Variants in ADAMTS18 observed in about 807,000 individuals in gnomAD.
ADAMTS18 encodes A disintegrin and metalloproteinase with thrombospondin motifs 18.
In ADAMTS18, 157 loss-of-function variants were observed where a neutral mutation model predicts 165.9. The ratio of observed to expected loss-of-function variants is 0.95; its 90% CI spans 0.83 to 1.08. The LOEUF (loss-of-function observed/expected upper bound fraction) is 1.08. ADAMTS18 is among the 50% of genes least tolerant of loss of function. The probability of loss-of-function intolerance (pLI) is 0.00; values close to 1 mark genes in which losing one functional copy is unlikely to be tolerated. For missense variants in ADAMTS18, 2,040 were observed against 1,534.0 expected (o/e 1.33, Z -5.51); for synonymous variants, 782 against 578.2 (o/e 1.35, Z -5.06).
At chr16:77,337,989 C>T (rs948623903) in intron 11 of ADAMTS18, among the ~76,000 whole-genome samples, 19 of 151,368 alleles carry the variant, frequency 1.3e-4, no homozygotes, top group Non-Finnish European at 2.7e-4. Context: ...CTGCAACCTC[C>T]GCCTCCCAGG....
chr16:77,318,718 T>C (rs528717398), intron 16 of ADAMTS18, among the ~76,000 whole-genome samples: 1 of 152,350 alleles, frequency 6.6e-6, no homozygotes, highest in East Asian at 1.9e-4. Context: ...AGCTCTGTTT[T>C]TTTCCCTAGC....
At chr16:77,362,329 C>T in intron 6 of ADAMTS18, 65 bp from the exon 7 acceptor site, 1 of 1,559,622 alleles carries the variant, frequency 6.4e-7, no homozygotes, top group Non-Finnish European at 8.8e-7. Flanking sequence ...TGAATCATTC[C>T]ATTTGTACAG....
chr16:77,286,644 GTCCTTGC>G (rs1348408088), intron 22 of ADAMTS18, among the ~76,000 whole-genome samples: 1 of 152,058 alleles, frequency 6.6e-6, no homozygotes, highest in Non-Finnish European at 1.5e-5. Flanking sequence ...TGATTTTAGG[GTCCTTGC>G]TCCTTCCACT....
In ADAMTS18 at chr16:77,302,049, G is replaced by A. The variant is rs1015673007; in HGVS notation, c.2533-1645C>T. ...TTAACTTTCGCAGCTAAGTCATACA[G>A]CTGTTCTTGGAACCCTGTGTTCAAC... On this transcript the variant is annotated intron_variant, in intron 16 of 22. Transcript: ENST00000282849. 1.1e-4 allele frequency among the ~76,000 whole-genome samples: 16 copies of A among 139,750 alleles called. 1 individual carries two copies. Among genetic ancestry groups the A allele is most frequent in the African/African-American group, 4.3e-4 (16 of 36,806 alleles). 91.7% of individuals were successfully genotyped at this position (139,750 alleles called of 152,430 possible). A position where few individuals can be genotyped will look rare whatever the true frequency, so the allele number is the denominator to read the frequency against.
In ADAMTS18 at chr16:77,434,684, G is replaced by A. The variant is rs2057776108; in HGVS notation, c.12C>T (p.Ala4=). ...CCGGGAAGGCACACGCGAGCAGGAG[G>A]GCGCACTCCATGGTCAGGTGCGGAC... MEC[A]LLLACAFPAA... Residue 4 remains alanine (A), a synonymous_variant, in exon 1 of 23, where the codon GCC becomes GCT. Transcript: ENST00000282849. 3.4e-6 allele frequency: 5 copies of A among 1,475,844 alleles called. No individual in the cohort carries two copies. Among genetic ancestry groups the A allele is most frequent in the South Asian group, 2.6e-5 (2 of 78,272 alleles). 91.4% of individuals were successfully genotyped at this position (1,475,844 alleles called of 1,614,324 possible).
chr16:77,353,854 G>T lies in ADAMTS18; in HGVS notation c.1493C>A (p.Pro498His). Residue 498 changes from proline (P) to histidine (H), a missense_variant, in exon 10 of 23, where the codon CCC (proline) becomes CAC (histidine). Coordinates refer to ENST00000282849, the MANE Select transcript of ADAMTS18 (RefSeq NM_199355.4). The stretch of plus-strand genomic sequence containing the variant: ...ATATTTATACTGTCCTGCTTGCTTG[G>T]GCTCATCCACTAGACACCCCGCCTG... The part of the protein sequence containing the change: ...TPQAGCLVDE[P>H]KQAGQYKYPD... 4 of 1,613,978 alleles carry T rather than the reference G, an allele frequency of 2.5e-6. No individual in the cohort carries two copies. Among genetic ancestry groups the T allele is most frequent in the Non-Finnish European group, 3.4e-6 (4 of 1,180,004 alleles).
At chr16:77,431,092 T>C (rs1266978025) in intron 3 of ADAMTS18, among the ~76,000 whole-genome samples, 1 of 152,246 alleles carries the variant, frequency 6.6e-6, no homozygotes, top group African/African-American at 2.4e-5. Context: ...AAAAGATTGT[T>C]CTAAATGGTA....
chr16:77,324,875 C>T (rs557111749), intron 13 of ADAMTS18, among the ~76,000 whole-genome samples: 30 of 152,036 alleles, frequency 2.0e-4, no homozygotes, highest in Middle Eastern at 3.4e-3. Context: ...TAAGACACAG[C>T]TTTGGAATTG....
At chr16:77,372,711 A>T (rs978232624) in intron 3 of ADAMTS18, among the ~76,000 whole-genome samples, 3 of 152,186 alleles carry the variant, frequency 2.0e-5, no homozygotes, top group African/African-American at 7.2e-5. Context: ...GAGAAATCCC[A>T]GCCATCATAT....
At chr16:77,290,961 G>C (rs138904223) in intron 21 of ADAMTS18, 1 of 441,338 alleles carries the variant, frequency 2.3e-6, no homozygotes, top group East Asian at 4.5e-5. Flanking sequence ...AGTTTCCGTA[G>C]CAACAGCAAT....
At chr16:77,430,654 C>A (rs1390667563) in intron 3 of ADAMTS18, among the ~76,000 whole-genome samples, 2 of 152,214 alleles carry the variant, frequency 1.3e-5, no homozygotes, top group African/African-American at 4.8e-5. Context: ...ATCATTTACA[C>A]TGATATTCTT....
intron 12 of ADAMTS18, among the ~76,000 whole-genome samples, chr16:77,335,376 T>C (rs1392219118): frequency 2.6e-5 from 4 of 151,188 alleles, no homozygotes; most frequent in Non-Finnish European, 4.4e-5. Context: ...GCATGGTTAA[T>C]GGGTACAAAA....
In ADAMTS18 at chr16:77,319,620, T is replaced by G. The variant is rs554707822; in HGVS notation, c.2532+229A>C. ...ACCACACCTGGCTAATTTTTGTATT[T>G]TTAATAGAGATGGGTTTTCACCACG... On this transcript the variant is annotated intron_variant, in intron 16 of 22. Transcript: ENST00000282849. Among the ~76,000 whole-genome samples the G allele has an allele frequency of 3.3e-5, 5 of 152,236 alleles. No individual in the cohort carries two copies. In the East Asian group the frequency reaches 9.7e-4, roughly 29 times the overall value.
chr16:77,367,336 AG>A lies in ADAMTS18; in HGVS notation c.778+104del. 5 of 1,274,478 alleles carry A rather than the reference AG, an allele frequency of 3.9e-6. No individual in the cohort carries two copies. The South Asian group carries it at 6.1e-5, about 16-fold the overall frequency. 78.9% of individuals were successfully genotyped at this position (1,274,478 alleles called of 1,614,324 possible). A position where few individuals can be genotyped will look rare whatever the true frequency, so the allele number is the denominator to read the frequency against. ...TGGTCCTACACCAAGACAGATGCTC[AG>A]GGTAGCCCCATTTTGACTTGCAAAG... On this transcript the variant is annotated intron_variant, in intron 4 of 22. Transcript: ENST00000282849.
At position 77,356,352 on chromosome 16, in the gene ADAMTS18, C is replaced by T. The variant is rs111989885; in HGVS notation, c.1323-275G>A. On this transcript the variant is annotated intron_variant, in intron 8 of 22. Transcript: ENST00000282849. ...GTTTTATGGGCTGGAAAATTTTGCT[C>T]AAGTTAAAATTTAGGTATAAGCTAA... 1.2e-4 allele frequency among the ~76,000 whole-genome samples: 18 copies of T among 152,196 alleles called. 1 individual carries two copies. The highest frequency in any genetic ancestry group is 1.7e-4 in the African/African-American group (7 of 41,532).
intron 14 of ADAMTS18, among the ~76,000 whole-genome samples, chr16:77,322,099 G>C (rs137868689): frequency 0.012 from 1,812 of 144,962 alleles, 45 homozygotes; most frequent in African/African-American, 0.045. Context: ...AGGTTACAGT[G>C]AGCTAAGATC....
Position 77,353,855 on chromosome 16 carries a change from G to T in ADAMTS18, c.1492C>A (p.Pro498Thr), listed in dbSNP as rs775384953. The T allele has an allele frequency of 2.5e-6, 4 of 1,613,940 alleles. No homozygotes were observed. The Admixed American group carries it at 6.7e-5, about 27-fold the overall frequency. ...TATTTATACTGTCCTGCTTGCTTGG[G>T]CTCATCCACTAGACACCCCGCCTGA... is the stretch of plus-strand genomic sequence containing the variant. ...TPQAGCLVDE[P>T]KQAGQYKYPD... is the part of the protein sequence containing the mutation. The change falls in exon 10 of 23, where the codon CCC (proline) becomes ACC (threonine). Residue 498 changes from proline (P) to threonine (T), a missense_variant. Coordinates refer to ENST00000282849, the MANE Select transcript of ADAMTS18 (RefSeq NM_199355.4).
chr16:77,354,794 A>G lies in ADAMTS18; in HGVS notation c.1461-908T>C, dbSNP rs190272216. Among the ~76,000 whole-genome samples, 210 of 152,350 alleles carry G rather than the reference A, an allele frequency of 1.4e-3. No homozygotes were observed. The Middle Eastern group carries it at 0.017, about 12-fold the overall frequency. ...ATCATTATTATAACATTTAACTACA[A>G]AAGCATTTAACTACATACTAACGGA... On this transcript the variant is annotated intron_variant, in intron 9 of 22. Coordinates refer to ENST00000282849, the MANE Select transcript of ADAMTS18 (RefSeq NM_199355.4).
chr16:77,430,690 T>A (rs913519494), intron 3 of ADAMTS18, among the ~76,000 whole-genome samples: 4 of 152,202 alleles, frequency 2.6e-5, no homozygotes, highest in African/African-American at 4.8e-5. Flanking sequence ...AGATGAGGAT[T>A]ACATAGGGAG....
Sources: allele counts gnomAD v4.1 joint callset (sites outside exome capture counted in the v4.1 genomes callset), GRCh38; gene constraint gnomAD v4.1.1; transcripts MANE v1.5; gene names NCBI Gene and HGNC (gene_info 2026-07-23, HGNC 2026-07-21).